STRADB: variants seen among roughly 807,000 people sequenced by gnomAD.
STRADB encodes STE20 related adaptor beta.
STRADB carries 34 observed loss-of-function variants against 52.1 expected under a neutral mutation model. That is an observed-to-expected ratio of 0.65 (90% confidence interval 0.50 to 0.87). The LOEUF is 0.87. STRADB is among the 40% of genes least tolerant of loss of function. The pLI, the probability that STRADB is intolerant of heterozygous loss-of-function variation, is 0.00. For synonymous variants in STRADB, 133 were observed against 174.5 expected, an observed-to-expected ratio of 0.76 and a Z score of 1.87; for missense variants, 340 against 483.9, an observed-to-expected ratio of 0.70 and a Z score of 2.79.
rs747605415 is a variant in STRADB at position 201,480,081 on chromosome 2, A to G, written c.1163A>G (p.Tyr388Cys). 3.1e-6 allele frequency: 5 copies of G among 1,613,928 alleles called. No individual in the cohort carries two copies. In the South Asian group the frequency reaches 3.3e-5, roughly 11 times the overall value. Residue 388 changes from tyrosine to cysteine, a missense_variant, in exon 12 of 12, where the codon TAT becomes TGT. Tyr to Cys is a radical substitution (Grantham distance 194). Coordinates refer to ENST00000194530, the MANE Select transcript of STRADB (RefSeq NM_018571.6). Reference sequence around the variant, plus strand: ...ATACTTTCACTGTTGCCTCCTGCTTATAACAAGCCATCAATATCATTGCCT... The same window carrying G: ...ATACTTTCACTGTTGCCTCCTGCTTGTAACAAGCCATCAATATCATTGCCT... ...DSILSLLPPA[Y>C]NKPSISLPPV...
intron 3 of STRADB, among the ~76,000 whole-genome samples, chr2:201,468,225 A>G (rs1359819179): frequency 1.3e-5 from 2 of 151,588 alleles, no homozygotes; most frequent in African/African-American, 2.4e-5. Flanking sequence ...GGACTTTGCC[A>G]TAATTTTTGC....
At chr2:201,472,181 T>C (rs1033455329) in intron 4 of STRADB, among the ~76,000 whole-genome samples, 15 of 152,224 alleles carry the variant, frequency 9.9e-5, no homozygotes, top group Admixed American at 2.6e-4. Flanking sequence ...TCAGCCACTT[T>C]TGAAAACAAT....
chr2:201,458,682 T>C, intron 2 of STRADB, 102 bp from the exon 3 acceptor site: 2 of 971,304 alleles, frequency 2.1e-6, no homozygotes. Flanking sequence ...GCCCTTCCTC[T>C]CTTTTCCCCA....
rs767492795 is a variant in STRADB, at chr2:201,470,029, A to G, written c.170A>G (p.His57Arg). The change falls in exon 4 of 12, where the codon CAC (histidine) becomes CGC (arginine). Residue 57 changes from histidine (H) to arginine (R), a missense_variant. Transcript: ENST00000194530. Reference protein sequence around the residue: ...SEVLCSTNVSHYELQVEIGRG... With the variant: ...SEVLCSTNVSRYELQVEIGRG... ...GTACTATGTTCCACCAACGTTTCTC[A>G]CTATGAGCTCCAAGTAGAAATAGGT... 1.2e-6 allele frequency: 2 copies of G among 1,610,256 alleles called. No homozygotes were observed. Among genetic ancestry groups the G allele is most frequent in the Non-Finnish European group, 1.7e-6 (2 of 1,176,524 alleles).
intron 7 of STRADB, 109 bp from the exon 8 acceptor site, chr2:201,477,510 A>G (rs1952497360): frequency 8.8e-7 from 1 of 1,131,230 alleles, no homozygotes; most frequent in Non-Finnish European, 1.3e-6. Flanking sequence ...GCTGTTTTGT[A>G]AAGGGTATTT....
intron 3 of STRADB, among the ~76,000 whole-genome samples, chr2:201,462,659 A>C (rs1308898149): frequency 6.6e-6 from 1 of 152,202 alleles, no homozygotes; most frequent in African/African-American, 2.4e-5. Flanking sequence ...AGGCGAAGAG[A>C]ACTAATAAAA....
At chr2:201,467,664 T>C (rs1005251395) in intron 3 of STRADB, among the ~76,000 whole-genome samples, 2 of 152,226 alleles carry the variant, frequency 1.3e-5, no homozygotes, top group Admixed American at 6.5e-5. Flanking sequence ...ATTAAATATT[T>C]CCAACTCCTT....
intron 3 of STRADB, among the ~76,000 whole-genome samples, chr2:201,460,351 A>C (rs1372714834): frequency 6.6e-6 from 1 of 152,172 alleles, no homozygotes; most frequent in Non-Finnish European, 1.5e-5. Flanking sequence ...TGGTTTATCT[A>C]TCACTTTAAG....
intron 5 of STRADB, 39 bp downstream of exon 5, chr2:201,473,115 G>C: frequency 6.4e-7 from 1 of 1,571,576 alleles, no homozygotes; most frequent in Non-Finnish European, 8.6e-7. Context: ...TTGGGCCTCT[G>C]TATCCACTGG....
chr2:201,454,039 A>C (rs1324071040), intron 1 of STRADB, among the ~76,000 whole-genome samples: 1 of 152,170 alleles, frequency 6.6e-6, no homozygotes, highest in Non-Finnish European at 1.5e-5. Context: ...GGGTTCATCA[A>C]ATTTGGGGAG....
At chr2:201,469,847 C>A in intron 3 of STRADB, 106 bp from the exon 4 acceptor site, 1 of 788,286 alleles carries the variant, frequency 1.3e-6, no homozygotes, top group Non-Finnish European at 2.1e-6. Flanking sequence ...CAGTACCTTC[C>A]TAATGAGCAC....
chr2:201,454,672 G>GGTATCAGGGAATAGCTGCCTAAAT, intron 1 of STRADB, 74 bp from the exon 2 acceptor site: 1 of 488,150 alleles, frequency 2.0e-6, no homozygotes, highest in South Asian at 4.9e-5. Flanking sequence ...CTAAATATTG[G>GGTATCAGGGAATAGCTGCCTAAAT]ATGGGTTTAA....
chr2:201,464,487 G>A (rs1163070772), intron 3 of STRADB, among the ~76,000 whole-genome samples: 1 of 152,186 alleles, frequency 6.6e-6, no homozygotes, highest in African/African-American at 2.4e-5. Context: ...TGGGCGAGGG[G>A]TGACACAATT....
chr2:201,473,168 T>C (rs1360212209), intron 5 of STRADB, 92 bp downstream of exon 5: 15 of 1,102,966 alleles, frequency 1.4e-5, no homozygotes, highest in Non-Finnish European at 1.8e-5. Flanking sequence ...AGAAAATATA[T>C]ATTTTAAAAT....
chr2:201,463,940 A>G (rs116562185), intron 3 of STRADB, among the ~76,000 whole-genome samples: 2 of 151,968 alleles, frequency 1.3e-5, no homozygotes, highest in Non-Finnish European at 2.9e-5. Context: ...AATTATTTCC[A>G]TCTCTTTGTT....
At chr2:201,452,204 C>G (rs1952054539) in intron 1 of STRADB, among the ~76,000 whole-genome samples, 1 of 151,936 alleles carries the variant, frequency 6.6e-6, no homozygotes, top group Non-Finnish European at 1.5e-5. Context: ...CCGGGTTGGC[C>G]GTGCCGGCCG....
At chr2:201,473,174 A>T (rs965110769) in intron 5 of STRADB, 98 bp downstream of exon 5, 2 of 1,054,284 alleles carry the variant, frequency 1.9e-6, no homozygotes, top group African/African-American at 3.4e-5. Context: ...TATATATTTT[A>T]AAATAAATAA....
intron 3 of STRADB, among the ~76,000 whole-genome samples, chr2:201,465,473 C>T (rs1487508868): frequency 6.6e-6 from 1 of 152,210 alleles, no homozygotes; most frequent in Non-Finnish European, 1.5e-5. Flanking sequence ...ATCCAAGTTG[C>T]AAGACAAAGT....
chr2:201,470,383 TA>T (rs147921822), intron 4 of STRADB, among the ~76,000 whole-genome samples: 1 of 152,248 alleles, frequency 6.6e-6, no homozygotes, highest in Non-Finnish European at 1.5e-5. Context: ...TCAAGTCATC[TA>T]AATCTTTTCA....
Sources: allele counts gnomAD v4.1 joint callset (sites outside exome capture counted in the v4.1 genomes callset), GRCh38; gene constraint gnomAD v4.1.1; transcripts MANE v1.5; gene names NCBI Gene and HGNC (gene_info 2026-07-23, HGNC 2026-07-21).